Variants in EMC2 observed in about 807,000 individuals in gnomAD.
EMC2 encodes the protein TPR repeat protein 35.
EMC2 carries 37 observed loss-of-function variants against 51.6 expected under a neutral mutation model. That is an observed-to-expected ratio of 0.72 (90% CI 0.55 to 0.94). EMC2 has a LOEUF of 0.94. EMC2 is among the 40% of genes least tolerant of loss of function. The pLI, the probability that EMC2 is intolerant of heterozygous loss-of-function variation, is 0.00. For missense variants in EMC2, 359 were observed against 350.9 expected, an observed-to-expected ratio of 1.02 and a Z score of -0.18; for synonymous variants, 131 against 112.4, an observed-to-expected ratio of 1.17 and a Z score of -1.04.
intron 10 of EMC2, among the ~76,000 whole-genome samples, chr8:108,483,454 C>T (rs1266471633): frequency 1.3e-5 from 2 of 152,154 alleles, no homozygotes; most frequent in Non-Finnish European, 2.9e-5. Context: ...ATTAGTTTTG[C>T]TTGTGCTATA....
intron 10 of EMC2, among the ~76,000 whole-genome samples, chr8:108,481,865 TTG>T (rs1811049720): frequency 6.6e-6 from 1 of 152,170 alleles, no homozygotes; most frequent in Admixed American, 6.6e-5. Flanking sequence ...TTATCCTTGT[TTG>T]TGTCTGTAGT....
At chr8:108,474,325 T>C (rs1810909700) in intron 7 of EMC2, 1 of 151,952 alleles carries the variant, frequency 6.6e-6, no homozygotes. Context: ...AGGAACACAT[T>C]TAGAAGAGAA....
chr8:108,443,736 G>A (rs771766764), intron 1 of EMC2, 38 bp downstream of exon 1: 1 of 1,575,740 alleles, frequency 6.3e-7, no homozygotes, highest in South Asian at 1.1e-5. Flanking sequence ...AAGACTAAAA[G>A]CGCTGGGAAG....
intron 7 of EMC2, among the ~76,000 whole-genome samples, chr8:108,470,468 T>C (rs2130389348): frequency 6.6e-6 from 1 of 152,282 alleles, no homozygotes; most frequent in Non-Finnish European, 1.5e-5. Context: ...AGAGTTCAGA[T>C]TGTTCTTATA....
intron 6 of EMC2, 65 bp downstream of exon 6, chr8:108,469,976 T>G: frequency 6.5e-7 from 1 of 1,537,608 alleles, no homozygotes; most frequent in Middle Eastern, 1.7e-4. Context: ...TAAAATGGAA[T>G]TTGCATTTGA....
intron 5 of EMC2, among the ~76,000 whole-genome samples, chr8:108,461,101 G>A (rs1310977882): frequency 3.3e-5 from 5 of 152,162 alleles, no homozygotes; most frequent in African/African-American, 4.8e-5. Context: ...AGAAGACATC[G>A]CCGTTTCTTT....
intron 5 of EMC2, among the ~76,000 whole-genome samples, chr8:108,456,281 T>C (rs1819152241): frequency 7.7e-6 from 1 of 129,702 alleles, no homozygotes; most frequent in Non-Finnish European, 1.5e-5. Context: ...TGCAGTGAGC[T>C]GAGATTACGC....
chr8:108,457,415 A>G (rs995680525), intron 5 of EMC2, among the ~76,000 whole-genome samples: 3 of 150,018 alleles, frequency 2.0e-5, no homozygotes, highest in Non-Finnish European at 4.4e-5. Flanking sequence ...GTATTAGTCC[A>G]TTTTCATGCT....
intron 3 of EMC2, among the ~76,000 whole-genome samples, chr8:108,450,696 A>G (rs1477616485): frequency 1.3e-5 from 2 of 152,200 alleles, no homozygotes; most frequent in Non-Finnish European, 2.9e-5. Flanking sequence ...TTAGTATCCC[A>G]GTTTTACTGT....
At chr8:108,459,348 G>A (rs1467780704) in intron 5 of EMC2, among the ~76,000 whole-genome samples, 4 of 152,060 alleles carry the variant, frequency 2.6e-5, no homozygotes, top group South Asian at 2.1e-4. Flanking sequence ...TGTGTTAGTC[G>A]GTTTTCATGC....
chr8:108,457,676 A>T (rs1176796305), intron 5 of EMC2, among the ~76,000 whole-genome samples: 1 of 152,102 alleles, frequency 6.6e-6, no homozygotes, highest in East Asian at 1.9e-4. Context: ...CGCCCCCATA[A>T]TTCAGTCACC....
intron 1 of EMC2, among the ~76,000 whole-genome samples, chr8:108,449,535 G>A (rs1016025507): frequency 1.3e-5 from 2 of 152,198 alleles, no homozygotes; most frequent in Non-Finnish European, 2.9e-5. Flanking sequence ...GGCTCCCAAA[G>A]TCCTGGCATT....
intron 1 of EMC2, among the ~76,000 whole-genome samples, chr8:108,445,780 A>G (rs1436859788): frequency 6.6e-6 from 1 of 152,254 alleles, no homozygotes; most frequent in Non-Finnish European, 1.5e-5. Context: ...AGAGCCTGAC[A>G]CATGGGGGCG....
At chr8:108,469,609 T>C (rs1361100130) in intron 5 of EMC2, among the ~76,000 whole-genome samples, 1 of 152,166 alleles carries the variant, frequency 6.6e-6, no homozygotes, top group Non-Finnish European at 1.5e-5. Flanking sequence ...GATGCATACA[T>C]TGTGTGCATC....
intron 10 of EMC2, among the ~76,000 whole-genome samples, chr8:108,481,260 A>T (rs1586194197): frequency 6.6e-6 from 1 of 152,228 alleles, no homozygotes; most frequent in South Asian, 2.1e-4. Context: ...GTGCCTCCAT[A>T]ATCACATCAT....
chr8:108,477,562 G>T (rs1228902216), intron 9 of EMC2, among the ~76,000 whole-genome samples: 1 of 151,882 alleles, frequency 6.6e-6, no homozygotes, highest in Non-Finnish European at 1.5e-5. Flanking sequence ...TCTTGTTGCA[G>T]CTCAGTGAAA....
chr8:108,465,250 C>A (rs1819439816), intron 5 of EMC2, among the ~76,000 whole-genome samples: 2 of 151,976 alleles, frequency 1.3e-5, no homozygotes, highest in Admixed American at 1.3e-4. Flanking sequence ...GTATATATAT[C>A]TTTAGTTGGG....
At chr8:108,475,191 A>ATTACAGTCACATGCT (rs1286345028) in intron 7 of EMC2, 3 of 151,890 alleles carry the variant, frequency 2.0e-5, no homozygotes, top group African/African-American at 7.2e-5. Flanking sequence ...TATTTAGTGA[A>ATTACAGTCACATGCT]TTACAGTCAC....
intron 8 of EMC2, among the ~76,000 whole-genome samples, 186 bp downstream of exon 8, chr8:108,476,149 A>G (rs1468879888): frequency 6.6e-6 from 1 of 151,886 alleles, no homozygotes; most frequent in East Asian, 1.9e-4. Context: ...GACTTAAGAC[A>G]TACTTAAAAC....
Sources: allele counts gnomAD v4.1 joint callset (sites outside exome capture counted in the v4.1 genomes callset), GRCh38; gene constraint gnomAD v4.1.1; transcripts MANE v1.5; gene names NCBI Gene and HGNC (gene_info 2026-07-23, HGNC 2026-07-21).